Variants in BRAF observed in about 807,000 individuals in gnomAD.
BRAF encodes the protein serine/threonine-protein kinase B-raf.
BRAF carries 16 observed loss-of-function variants against 104.6 expected under a neutral mutation model. That is an observed-to-expected ratio of 0.15 (90% CI 0.10 to 0.23). The LOEUF (loss-of-function observed/expected upper bound fraction) is 0.23, where lower values mean the gene tolerates loss of function less well. Among genes scored for constraint, BRAF ranks in the 10% least tolerant of loss-of-function variants. BRAF has a pLI of 1.00. For synonymous variants in BRAF, 310 were observed against 341.6 expected (o/e 0.91, Z 1.02); for missense variants, 541 against 937.3 (o/e 0.58, Z 5.52).
intron 8 of BRAF, among the ~76,000 whole-genome samples, chr7:140,788,412 T>G (rs1801614114): frequency 6.6e-6 from 1 of 152,190 alleles, no homozygotes; most frequent in South Asian, 2.1e-4. Context: ...GTGTATCAAT[T>G]TAATGAAGTA....
chr7:140,787,287 C>A (rs933016573), intron 9 of BRAF, among the ~76,000 whole-genome samples: 1 of 123,052 alleles, frequency 8.1e-6, no homozygotes, highest in Non-Finnish European at 1.6e-5. Flanking sequence ...GGCGACAGAG[C>A]GAGACTCCGT....
chr7:140,818,718 C>CCTAAAAA (rs1805153395), intron 3 of BRAF, among the ~76,000 whole-genome samples: 2 of 152,156 alleles, frequency 1.3e-5, no homozygotes, highest in Admixed American at 6.5e-5. Flanking sequence ...CTAAAACAGG[C>CCTAAAAA]AATTATCTTT....
intron 1 of BRAF, among the ~76,000 whole-genome samples, chr7:140,853,802 T>C (rs1809463934): frequency 6.6e-6 from 1 of 152,174 alleles, no homozygotes; most frequent in African/African-American, 2.4e-5. Context: ...TGTGACCACC[T>C]TACTATATAT....
chr7:140,807,969 T>C lies in BRAF; in HGVS notation c.702A>G (p.Thr234=), dbSNP rs1255680501. The C allele has an allele frequency of 1.9e-6, 3 of 1,610,430 alleles. No homozygotes were observed. The highest frequency in any genetic ancestry group is 2.2e-5 in the East Asian group (1 of 44,812). The change falls in exon 5 of 20, where the codon ACA becomes ACG. Residue 234 remains threonine (T), a synonymous_variant. Coordinates refer to ENST00000644969, the MANE Select transcript of BRAF (RefSeq NM_001374258.1). ...VEVLENVPLT[T]HNFVRKTFFT... is the part of the protein sequence containing the mutation. ...ATGTAAAGATACATACAAAGTTGTG[T>C]GTTGTAAGTGGAACATTCTCCAACA...
intron 3 of BRAF, among the ~76,000 whole-genome samples, chr7:140,815,432 A>ATT (rs11445161): frequency 0.07 from 7,796 of 111,844 alleles, 1,191 homozygotes; most frequent in African/African-American, 0.28. Flanking sequence ...GGTGTGAGCC[A>ATT]TTTTTTTTTT....
chr7:140,751,400 C>T (rs1797777426), intron 16 of BRAF, among the ~76,000 whole-genome samples: 1 of 152,152 alleles, frequency 6.6e-6, no homozygotes, highest in South Asian at 2.1e-4. Flanking sequence ...TTAGGATACA[C>T]TGCCATCTTT....
chr7:140,782,957 T>C (rs2129026126), intron 11 of BRAF, 64 bp downstream of exon 10: 1 of 1,561,080 alleles, frequency 6.4e-7, no homozygotes, highest in East Asian at 2.2e-5. Context: ...AGGATAATAT[T>C]ACATTTGGCT....
In BRAF at chr7:140,801,073, C is replaced by A. The variant is rs1036441785; in HGVS notation, c.860+339G>T. ...CAAAATAGCTAACAGAATCAGACTACCTGATCTGTGGTACAAAATCATAAT... is the reference window on the plus strand; with the variant it reads ...CAAAATAGCTAACAGAATCAGACTAACTGATCTGTGGTACAAAATCATAAT... On this transcript the variant is annotated intron_variant, in intron 6 of 19. Transcript: ENST00000644969. 5.8e-5 allele frequency: 14 copies of A among 240,396 alleles called. No individual in the cohort carries two copies. In the East Asian group the frequency reaches 1.5e-3, roughly 25 times the overall value. 14.9% of individuals were successfully genotyped at this position (240,396 alleles called of 1,614,324 possible).
At chr7:140,742,017 C>T (rs1796963599) in intron 17 of BRAF, among the ~76,000 whole-genome samples, 3 of 151,834 alleles carry the variant, frequency 2.0e-5, no homozygotes, top group Non-Finnish European at 1.5e-5. Context: ...TTTAACATAA[C>T]CTTGTGGACA....
At chr7:140,780,233 T>C (rs1287297255) in intron 12 of BRAF, 2 of 149,978 alleles carry the variant, frequency 1.3e-5, no homozygotes, top group Non-Finnish European at 3.0e-5. Context: ...AGATAAAAAC[T>C]AAAACACAGT....
In BRAF at chr7:140,784,243, T is replaced by C. The variant is rs77474807; in HGVS notation, c.1298-1086A>G. On this transcript the variant is annotated intron_variant, in intron 10 of 19. Transcript: ENST00000644969. ...ATTTAAATGTTTAATCTGTAGAAAA[T>C]GTTTACCATTATTACATCATATTAT... is the stretch of plus-strand genomic sequence containing the variant. Among the ~76,000 whole-genome samples the C allele has an allele frequency of 1.5e-3, 228 of 152,354 alleles. 4 individuals carry two copies. The East Asian group carries it at 0.034, about 23-fold the overall frequency.
intron 8 of BRAF, among the ~76,000 whole-genome samples, chr7:140,789,653 A>C (rs920520573): frequency 6.6e-6 from 1 of 152,236 alleles, no homozygotes; most frequent in Non-Finnish European, 1.5e-5. Flanking sequence ...AAAATCAAAT[A>C]ATTTAAGAAT....
rs760524720 is a variant in BRAF at position 140,776,939 on chromosome 7, A to G, written c.1787T>C (p.Ile596Thr). The G allele has an allele frequency of 1.4e-5, 23 of 1,613,460 alleles. No individual in the cohort carries two copies. In the Admixed American group the frequency reaches 2.0e-4, roughly 14 times the overall value. Reference sequence around the variant, plus strand: ...CATGCCCTGTGCAGTCTGTCGTGCAATATCTATAAGTTTGATCATCTCAAA... The same window carrying G: ...CATGCCCTGTGCAGTCTGTCGTGCAGTATCTATAAGTTTGATCATCTCAAA... ...TKFEMIKLID[I>T]ARQTAQGMDY... is the part of the protein sequence containing the mutation. The change falls in exon 14 of 20, where the codon ATT becomes ACT. Residue 596 changes from isoleucine to threonine, a missense_variant. By Grantham distance (89) the Ile-to-Thr change is moderately conservative. Coordinates refer to ENST00000644969, the MANE Select transcript of BRAF (RefSeq NM_001374258.1).
chr7:140,753,533 C>T (rs1797958102), intron 15 of BRAF, 140 bp from the exon 15 acceptor site: 2 of 623,578 alleles, frequency 3.2e-6, no homozygotes, highest in African/African-American at 1.8e-5. Context: ...CATCTTTCCT[C>T]TTAGAGTCAA....
Position 140,725,813 on chromosome 7 carries a change from A to C in BRAF, c.*681T>G, listed in dbSNP as rs555148646. The C allele has an allele frequency of 1.0e-3, 1,077 of 1,063,468 alleles. 2 individuals carry two copies. The highest frequency in any genetic ancestry group is 1.0e-3 in the Non-Finnish European group (907 of 878,190). 65.9% of individuals were successfully genotyped at this position (1,063,468 alleles called of 1,614,324 possible). A position where few individuals can be genotyped will look rare whatever the true frequency, so the allele number is the denominator to read the frequency against. On this transcript the variant is annotated 3_prime_UTR_variant, in exon 20 of 20. Coordinates refer to ENST00000644969, the MANE Select transcript of BRAF (RefSeq NM_001374258.1). ...TAGACAGACCCCTCAGTGAGCAAGG[A>C]AACAAAAGGCCAGAGACCCCGGAGG... is the stretch of plus-strand genomic sequence containing the variant.
chr7:140,857,209 A>C (rs370367162), intron 1 of BRAF, among the ~76,000 whole-genome samples: 1 of 152,182 alleles, frequency 6.6e-6, no homozygotes, highest in Admixed American at 6.5e-5. Context: ...TGATATAAAA[A>C]CTCAGCAGAG....
At position 140,723,297 on chromosome 7, in the gene BRAF, A is replaced by T; in HGVS notation, c.*3197T>A. 4 of 1,056,316 alleles carry T rather than the reference A, an allele frequency of 3.8e-6. No individual in the cohort carries two copies. Among genetic ancestry groups the T allele is most frequent in the Non-Finnish European group, 4.6e-6 (4 of 873,660 alleles). 65.4% of individuals were successfully genotyped at this position (1,056,316 alleles called of 1,614,324 possible). ...ACCAGAAGCTAGGAAATATTTACAA[A>T]GTTTCAGGTTGACAGTGCTGCAGTC... On this transcript the variant is annotated 3_prime_UTR_variant, in exon 20 of 20. Coordinates refer to ENST00000644969, the MANE Select transcript of BRAF (RefSeq NM_001374258.1).
chr7:140,805,911 G>GCAAT (rs1803614401), intron 5 of BRAF, among the ~76,000 whole-genome samples: 1 of 152,142 alleles, frequency 6.6e-6, no homozygotes, highest in Non-Finnish European at 1.5e-5. Flanking sequence ...GGCACTCAGA[G>GCAAT]CAATCATTCT....
At chr7:140,814,597 G>A (rs934537003) in intron 3 of BRAF, among the ~76,000 whole-genome samples, 3 of 151,472 alleles carry the variant, frequency 2.0e-5, no homozygotes, top group Admixed American at 6.6e-5. Flanking sequence ...CTTAGGAGGC[G>A]GAGGTTGTAG....
Sources: gnomAD v4.1 joint callset for allele counts (sites outside exome capture counted in the v4.1 genomes callset) on GRCh38, gnomAD v4.1.1 for gene constraint, MANE v1.5 for transcripts, NCBI Gene and HGNC (gene_info 2026-07-23, HGNC 2026-07-21) for gene names.